Variants in MDGA2 observed in about 807,000 individuals in gnomAD.
MDGA2 encodes the protein MAM domain-containing glycosylphosphatidylinositol anchor protein 2.
Under a neutral mutation model 117.8 loss-of-function variants are expected in MDGA2, and 40 were observed. The ratio of observed to expected loss-of-function variants is 0.34; its 90% CI spans 0.26 to 0.44. The LOEUF is 0.44. Among genes scored for constraint, MDGA2 ranks in the 20% least tolerant of loss-of-function variants. The pLI is 1.00. For missense variants in MDGA2, 1,123 were observed against 1,250.6 expected, an observed-to-expected ratio of 0.90 and a Z score of 1.54; for synonymous variants, 452 against 439.0, an observed-to-expected ratio of 1.03 and a Z score of -0.37.
intron 1 of MDGA2, among the ~76,000 whole-genome samples, chr14:47,476,938 T>C (rs1270786136): frequency 2.6e-5 from 4 of 151,934 alleles, no homozygotes; most frequent in Non-Finnish European, 5.9e-5. Context: ...GAGGCGGGTG[T>C]ATCACCGGAG....
At chr14:47,215,482 G>A (rs1451349162) in intron 3 of MDGA2, among the ~76,000 whole-genome samples, 1 of 151,944 alleles carries the variant, frequency 6.6e-6, no homozygotes, top group African/African-American at 2.4e-5. Flanking sequence ...TAAAAACTCT[G>A]GTCTTCAATC....
chr14:47,587,806 C>T (rs1001904844), intron 1 of MDGA2, among the ~76,000 whole-genome samples: 4 of 151,938 alleles, frequency 2.6e-5, no homozygotes, highest in African/African-American at 7.2e-5. Flanking sequence ...GCATCCATTG[C>T]CACAATCTAA....
intron 1 of MDGA2, among the ~76,000 whole-genome samples, chr14:47,393,002 A>C (rs954209625): frequency 5.3e-5 from 8 of 151,974 alleles, no homozygotes; most frequent in African/African-American, 1.7e-4. Flanking sequence ...TTTTGCAGCT[A>C]AAAAAGAAAG....
At chr14:47,544,806 A>G (rs1895426785) in intron 1 of MDGA2, among the ~76,000 whole-genome samples, 1 of 152,204 alleles carries the variant, frequency 6.6e-6, no homozygotes, top group African/African-American at 2.4e-5. Context: ...TCAAACCTGT[A>G]GATACCATGA....
intron 6 of MDGA2, among the ~76,000 whole-genome samples, chr14:47,095,629 TACATGTAC>T (rs57707883): frequency 0.014 from 2,066 of 152,030 alleles, 45 homozygotes; most frequent in Non-Finnish European, 0.014. Flanking sequence ...ATACATGTTA[TACATGTAC>T]ATATGTACAT....
At chr14:47,399,985 A>T (rs1286389472) in intron 1 of MDGA2, among the ~76,000 whole-genome samples, 1 of 152,144 alleles carries the variant, frequency 6.6e-6, no homozygotes, top group African/African-American at 2.4e-5. Flanking sequence ...TAAGAATAGC[A>T]CTTACCTCCA....
chr14:47,091,934 C>T (rs1271392608), intron 6 of MDGA2, among the ~76,000 whole-genome samples: 1 of 152,150 alleles, frequency 6.6e-6, no homozygotes, highest in Non-Finnish European at 1.5e-5. Context: ...CCACCACACA[C>T]ACACAAGTAC....
At chr14:47,471,322 A>G (rs955418298) in intron 1 of MDGA2, among the ~76,000 whole-genome samples, 38 of 151,662 alleles carry the variant, frequency 2.5e-4, no homozygotes, top group African/African-American at 9.2e-4. Context: ...ATGCTAAATC[A>G]CTTAGCAGTG....
chr14:47,203,910 G>A (rs1885595151), intron 3 of MDGA2, among the ~76,000 whole-genome samples: 1 of 152,000 alleles, frequency 6.6e-6, no homozygotes, highest in Non-Finnish European at 1.5e-5. Flanking sequence ...AATTGCAACA[G>A]AGCAGATAAA....
intron 8 of MDGA2, among the ~76,000 whole-genome samples, chr14:46,999,298 C>A (rs771807938): frequency 6.6e-6 from 1 of 151,412 alleles, no homozygotes; most frequent in African/African-American, 2.4e-5. Context: ...AAAAAAAAAT[C>A]TTTTTTTCCA....
chr14:47,215,099 G>T lies in MDGA2; in HGVS notation c.595+2922C>A, dbSNP rs144201813. On this transcript the variant is annotated intron_variant, in intron 3 of 16. Coordinates refer to ENST00000399232, the MANE Select transcript of MDGA2 (RefSeq NM_001113498.3). ...CCAAGTTGTACTGATATTGATGAAA[G>T]TTCCACATGTGAAATCAGTTTAGAA... 2.3e-3 allele frequency among the ~76,000 whole-genome samples: 350 copies of T among 152,126 alleles called. 3 individuals are homozygous for T. The highest frequency in any genetic ancestry group is 7.9e-3 in the African/African-American group (328 of 41,498).
chr14:47,165,067 C>T (rs575584701), intron 3 of MDGA2, among the ~76,000 whole-genome samples: 2 of 151,772 alleles, frequency 1.3e-5, no homozygotes, highest in Non-Finnish European at 2.9e-5. Flanking sequence ...CACCTGGACA[C>T]AGGAAGGGGA....
intron 8 of MDGA2, among the ~76,000 whole-genome samples, chr14:47,015,311 C>A (rs1888042974): frequency 8.2e-6 from 1 of 122,094 alleles, no homozygotes; most frequent in African/African-American, 2.8e-5. Context: ...ATAAAGTGAG[C>A]ACATGCTGTT....
chr14:47,192,406 G>C (rs1885147879), intron 3 of MDGA2, among the ~76,000 whole-genome samples: 1 of 152,102 alleles, frequency 6.6e-6, no homozygotes, highest in Admixed American at 6.5e-5. Context: ...CTTGAGCTCA[G>C]GAGTTGGAGA....
chr14:47,457,299 T>G (rs1321569713), intron 1 of MDGA2, among the ~76,000 whole-genome samples: 1 of 152,226 alleles, frequency 6.6e-6, no homozygotes. Flanking sequence ...GGAATATACA[T>G]GCAGATTTGT....
chr14:47,175,338 C>A (rs1240487740), intron 3 of MDGA2, among the ~76,000 whole-genome samples: 8 of 151,478 alleles, frequency 5.3e-5, no homozygotes, highest in Admixed American at 6.6e-5. Context: ...CGGGCAGAGA[C>A]ACAACCAAAA....
intron 1 of MDGA2, among the ~76,000 whole-genome samples, chr14:47,405,059 T>C (rs1490474236): frequency 6.6e-6 from 1 of 152,224 alleles, no homozygotes; most frequent in African/African-American, 2.4e-5. Flanking sequence ...TAATCGGTGC[T>C]TTCTAAGCAA....
chr14:47,633,423 A>G (rs1897272349), intron 1 of MDGA2, among the ~76,000 whole-genome samples: 1 of 152,196 alleles, frequency 6.6e-6, no homozygotes, highest in Non-Finnish European at 1.5e-5. Context: ...TAATCATAGT[A>G]TTTGTGCATG....
intron 5 of MDGA2, among the ~76,000 whole-genome samples, chr14:47,121,834 T>C (rs1365814223): frequency 1.3e-5 from 2 of 152,092 alleles, no homozygotes; most frequent in Non-Finnish European, 2.9e-5. Flanking sequence ...ACTAGAAATA[T>C]TGATAGCACA....
Sources: allele counts gnomAD v4.1 joint callset (sites outside exome capture counted in the v4.1 genomes callset), GRCh38; gene constraint gnomAD v4.1.1; transcripts MANE v1.5; gene names NCBI Gene and HGNC (gene_info 2026-07-23, HGNC 2026-07-21).